The following SLC16A6 variants were observed in gnomAD, a reference collection of about 807,000 sequenced individuals.
SLC16A6 encodes the protein solute carrier family 16 member 6, also known as monocarboxylate transporter 7.
SLC16A6 carries 15 observed loss-of-function variants against 33.8 expected under a neutral mutation model. The ratio of observed to expected loss-of-function variants is 0.44; its 90% CI spans 0.30 to 0.68. The LOEUF is 0.68. Ranked by LOEUF, SLC16A6 falls within the 30% of genes least tolerant of loss-of-function variation. SLC16A6 has a pLI of 0.10. For missense variants in SLC16A6, 451 were observed against 661.5 expected (o/e 0.68, Z 3.49); for synonymous variants, 219 against 248.4 (o/e 0.88, Z 1.11).
In SLC16A6 at chr17:68,287,929, TCTC is replaced by T. The variant is rs1464649511; in HGVS notation, c.-8+3154_-8+3156del. On this transcript the variant is annotated intron_variant, in intron 1 of 5. Transcript: ENST00000580666. ...CTCTTCTCCCTTTTTTCTTTTCTCT[TCTC>T]TTCTTCTCTTCTCTCTCTCTTTCTC... 5.9e-4 allele frequency among the ~76,000 whole-genome samples: 89 copies of T among 151,422 alleles called. No homozygotes were observed. In the Middle Eastern group the frequency reaches 0.014, roughly 23 times the overall value.
Position 68,270,839 on chromosome 17 carries a change from C to G in SLC16A6, c.1321G>C (p.Gly441Arg). Residue 441 changes from glycine to arginine, a missense_variant and splice_region_variant, in exon 5 of 6, where the codon GGT becomes CGT. Transcript: ENST00000580666. Reference protein sequence around the residue: ...IAGLAGPPLAGLLVDQSKIYS... With the variant: ...IAGLAGPPLARLLVDQSKIYS... ...TTTGTATTTTGTGTATTTAAATTAC[C>G]TGCAAGGGGCGGTCCAGCCAGTCCT... 1 of 1,597,178 alleles carries G rather than the reference C, an allele frequency of 6.3e-7. No homozygotes were observed. The highest frequency in any genetic ancestry group is 8.5e-7 in the Non-Finnish European group (1 of 1,172,146).
intron 1 of SLC16A6, among the ~76,000 whole-genome samples, chr17:68,290,747 C>T (rs1455135071): frequency 6.6e-6 from 1 of 152,188 alleles, no homozygotes; most frequent in Non-Finnish European, 1.5e-5. Context: ...GAGCCTGGAG[C>T]CCCCGACTCT....
In SLC16A6 at chr17:68,271,033, A is replaced by G; in HGVS notation, c.1127T>C (p.Phe376Ser). 1 of 1,614,216 alleles carries G rather than the reference A, an allele frequency of 6.2e-7. No homozygotes were observed. Among genetic ancestry groups the G allele is most frequent in the East Asian group, 2.2e-5 (1 of 44,890 alleles). The change falls in exon 5 of 6, where the codon TTT becomes TCT. Residue 376 changes from phenylalanine (F) to serine (S), a missense_variant. Coordinates refer to ENST00000580666, the MANE Select transcript of SLC16A6 (RefSeq NM_004694.5). This position sits in a 1 kb window ranked among gnomAD's most constrained non-coding sequence, Gnocchi z 5.3. ...ACCCCAGAATTCAGTAGCAAAAGTA[A>G]AGGCAAACAGAGACACAGTCAATAA... ...VILLTVSLFA[F>S]TFATEFWGLM...
At chr17:68,285,356 T>C (rs969760907) in intron 1 of SLC16A6, among the ~76,000 whole-genome samples, 18 of 152,292 alleles carry the variant, frequency 1.2e-4, no homozygotes, top group African/African-American at 3.8e-4. Flanking sequence ...GGCACGATCA[T>C]AGCTCACTGC....
chr17:68,280,211 T>C (rs1326661432), intron 1 of SLC16A6, among the ~76,000 whole-genome samples: 1 of 148,706 alleles, frequency 6.7e-6, no homozygotes, highest in African/African-American at 2.5e-5. Context: ...GAATTATTTA[T>C]ATATGACCCA....
chr17:68,275,761 C>T (rs1338379483), intron 2 of SLC16A6, among the ~76,000 whole-genome samples: 1 of 152,046 alleles, frequency 6.6e-6, no homozygotes, highest in Non-Finnish European at 1.5e-5. Context: ...GCAGGTGGAT[C>T]ACGAGTTCAG....
At position 68,271,394 on chromosome 17, in the gene SLC16A6, T is replaced by C. The variant is rs1555748663; in HGVS notation, c.766A>G (p.Asn256Asp). 2 of 1,614,254 alleles carry C rather than the reference T, an allele frequency of 1.2e-6. No individual in the cohort carries two copies. The highest frequency in any genetic ancestry group is 3.3e-5 in the Admixed American group (2 of 60,030). ...TCGGCCTTCGGCTCCAGTTCCAGGT[T>C]AGTGTGAGTAGGCACATTTTTAGGT... Reference protein sequence around the residue: ...TSPKNVPTHTNLELEPKADMQ... With the variant: ...TSPKNVPTHTDLELEPKADMQ... The change falls in exon 5 of 6, where the codon AAC becomes GAC. Residue 256 changes from asparagine (N) to aspartate (D), a missense_variant. Physicochemically the swap from Asn to Asp is conservative, Grantham distance 23. Around this residue, in one of 2 missense-constraint regions of SLC16A6, gnomAD observed 405 missense variants for 510.7 expected, o/e 0.79. Coordinates refer to ENST00000580666, the MANE Select transcript of SLC16A6 (RefSeq NM_004694.5). This position sits in a 1 kb window ranked among gnomAD's most constrained non-coding sequence, Gnocchi z 5.3.
rs1352385652 is a variant in SLC16A6 at position 68,271,189 on chromosome 17, A to G, written c.971T>C (p.Ile324Thr). Residue 324 changes from isoleucine (I) to threonine (T), a missense_variant, in exon 5 of 6, where the codon ATT becomes ACT. Transcript: ENST00000580666. This position sits in a 1 kb window ranked among gnomAD's most constrained non-coding sequence, Gnocchi z 5.3. ...TAAAAAAGCAGCGCGGTCCTGGTCA[A>G]TGCCCAGACTAATGCCCAGAGGAAT... ...YIIPLGISLG[I>T]DQDRAAFLLS... 1.9e-6 allele frequency: 3 copies of G among 1,613,994 alleles called. No individual in the cohort carries two copies. The highest frequency in any genetic ancestry group is 2.2e-5 in the South Asian group (2 of 91,088).
At chr17:68,278,364 T>C (rs888300474) in intron 1 of SLC16A6, 37 bp from the exon 2 acceptor site, 3 of 1,362,696 alleles carry the variant, frequency 2.2e-6, no homozygotes, top group Non-Finnish European at 3.1e-6. Flanking sequence ...AGATCAGCAA[T>C]AGCATGAGGA....
intron 1 of SLC16A6, among the ~76,000 whole-genome samples, chr17:68,281,201 G>T (rs575565014): frequency 3.4e-4 from 51 of 151,832 alleles, no homozygotes; most frequent in Non-Finnish European, 6.5e-4. Context: ...ATCTGACAGG[G>T]GATTAATAGC....
chr17:68,268,233 T>G lies in SLC16A6; in HGVS notation c.*863A>C, dbSNP rs562641855. On this transcript the variant is annotated 3_prime_UTR_variant, in exon 6 of 6. Transcript: ENST00000580666. ...CTCAGATTTTATTTCTTTTGATTAC[T>G]TTAATCATCCTAGAATAACTTAATA... 16 of 152,702 alleles carry G rather than the reference T, an allele frequency of 1.0e-4. No individual in the cohort carries two copies. The South Asian group carries it at 1.2e-3, about 12-fold the overall frequency. 9.5% of individuals were successfully genotyped at this position (152,702 alleles called of 1,614,324 possible). A position where few individuals can be genotyped will look rare whatever the true frequency, so the allele number is the denominator to read the frequency against.
intron 2 of SLC16A6, among the ~76,000 whole-genome samples, chr17:68,276,090 T>C (rs1441287095): frequency 6.6e-6 from 1 of 152,000 alleles, no homozygotes; most frequent in African/African-American, 2.4e-5. Context: ...TAAATTTCTC[T>C]CTCTCTCTTT....
In SLC16A6 at chr17:68,270,532, T is replaced by C. The variant is rs1457718086; in HGVS notation, c.1321+307A>G. ...CTGCGCCACTGCACTCCAGCCTGGG[T>C]GATAGAGCGAGACTCCATCTCAAAA... On this transcript the variant is annotated intron_variant, in intron 5 of 5. Coordinates refer to ENST00000580666, the MANE Select transcript of SLC16A6 (RefSeq NM_004694.5). Among the ~76,000 whole-genome samples, 203 of 146,218 alleles carry C rather than the reference T, an allele frequency of 1.4e-3. 1 individual carries two copies. Among genetic ancestry groups the C allele is most frequent in the Non-Finnish European group, 2.6e-3 (174 of 67,058 alleles).
At chr17:68,284,068 A>T (rs1223421824) in intron 1 of SLC16A6, among the ~76,000 whole-genome samples, 2 of 135,708 alleles carry the variant, frequency 1.5e-5, no homozygotes, top group Non-Finnish European at 3.1e-5. Flanking sequence ...TCCAGCCTAG[A>T]GTGAGCAATA....
Position 68,268,776 on chromosome 17 carries a change from C to T in SLC16A6, c.*320G>A. ...AAAACCACTTTGCCAGTTCATGTCA[C>T]TATTTTAATATCGGAATGTGAACCA... On this transcript the variant is annotated 3_prime_UTR_variant, in exon 6 of 6. Transcript: ENST00000580666. 3.5e-6 allele frequency: 1 copy of T among 284,564 alleles called. No individual in the cohort carries two copies. The highest frequency in any genetic ancestry group is 7.9e-5 in the East Asian group (1 of 12,650). 17.6% of individuals were successfully genotyped at this position (284,564 alleles called of 1,614,324 possible).
Position 68,271,367 on chromosome 17 carries a change from T to C in SLC16A6, c.793A>G (p.Met265Val), listed in dbSNP as rs138318896. ...CTGGTCTTCACCAGGACCTGCTGCA[T>C]GTCGGCCTTCGGCTCCAGTTCCAGG... is the stretch of plus-strand genomic sequence containing the variant. ...TNLELEPKAD[M>V]QQVLVKTSPR... Residue 265 changes from methionine (M) to valine (V), a missense_variant, in exon 5 of 6, where the codon ATG (methionine) becomes GTG (valine). Physicochemically the swap from Met to Val is conservative, Grantham distance 21. Coordinates refer to ENST00000580666, the MANE Select transcript of SLC16A6 (RefSeq NM_004694.5). The surrounding 1 kb of genome is among the most constrained non-coding windows in gnomAD (Gnocchi z 5.3). 2 of 1,614,078 alleles carry C rather than the reference T, an allele frequency of 1.2e-6. No individual in the cohort carries two copies. Among genetic ancestry groups the C allele is most frequent in the Non-Finnish European group, 1.7e-6 (2 of 1,179,860 alleles).
At chr17:68,274,123 C>T in intron 2 of SLC16A6, 53 bp from the exon 3 acceptor site, 1 of 1,584,710 alleles carries the variant, frequency 6.3e-7, no homozygotes, top group Non-Finnish European at 8.6e-7. Flanking sequence ...TCAGGGTTAG[C>T]TGCCATAAGA....
chr17:68,273,726 C>T (rs1422213001), intron 3 of SLC16A6, among the ~76,000 whole-genome samples: 1 of 152,154 alleles, frequency 6.6e-6, no homozygotes, highest in Non-Finnish European at 1.5e-5. Flanking sequence ...CAAACAAAAA[C>T]CCTTGGGCAC....
chr17:68,273,987 C>G lies in SLC16A6; in HGVS notation c.316G>C (p.Val106Leu). 6.2e-7 allele frequency: 1 copy of G among 1,614,158 alleles called. No homozygotes were observed. Among genetic ancestry groups the G allele is most frequent in the Non-Finnish European group, 8.5e-7 (1 of 1,180,022 alleles). ...LGGLLVSTGM[V>L]AASFSQEVSH... ...ACCTCTTGTGAGAAGGAGGCGGCCACCATCCCGGTGCTGACAAGTAGCCCC... is the reference window on the plus strand; with the variant it reads ...ACCTCTTGTGAGAAGGAGGCGGCCAGCATCCCGGTGCTGACAAGTAGCCCC... The change falls in exon 3 of 6, where the codon GTG (valine) becomes CTG (leucine). Residue 106 changes from valine to leucine, a missense_variant. Val to Leu is a conservative substitution (Grantham distance 32). Coordinates refer to ENST00000580666, the MANE Select transcript of SLC16A6 (RefSeq NM_004694.5).
Sources: allele counts gnomAD v4.1 joint callset (sites outside exome capture counted in the v4.1 genomes callset), GRCh38; gene constraint gnomAD v4.1.1; regional missense constraint gnomAD v4.1.1; non-coding constraint Gnocchi (gnomAD v3.1); transcripts MANE v1.5; gene names NCBI Gene and HGNC (gene_info 2026-07-23, HGNC 2026-07-21).